Variants in PYROXD1 observed in about 807,000 individuals in gnomAD.
The protein encoded by PYROXD1 is pyridine nucleotide-disulphide oxidoreductase domain 1, also known as tRNA ligase complex-associated NAD(P)H dehydrogenase PYROXD1.
A neutral mutation model predicts 62.0 loss-of-function variants in PYROXD1; 42 were observed. The observed-to-expected ratio is 0.68, with a 90% CI of 0.53 to 0.88. PYROXD1 has a LOEUF of 0.88. PYROXD1 is among the 40% of genes least tolerant of loss of function. The pLI, the probability that PYROXD1 is intolerant of heterozygous loss-of-function variation, is 0.00. For synonymous variants in PYROXD1, 170 were observed against 206.4 expected (o/e 0.82, Z 1.51); for missense variants, 493 against 604.8 (o/e 0.82, Z 1.94).
chr12:21,454,598 A>G (rs1942561498), intron 5 of PYROXD1, among the ~76,000 whole-genome samples: 5 of 151,960 alleles, frequency 3.3e-5, no homozygotes, highest in Admixed American at 2.6e-4. Flanking sequence ...TCCTTCCTCT[A>G]AGATCCTTGA....
intron 6 of PYROXD1, 139 bp from the exon 7 acceptor site, chr12:21,455,856 T>C: frequency 1.7e-6 from 1 of 592,810 alleles, no homozygotes; most frequent in Non-Finnish European, 3.0e-6. Context: ...CTAAAATGAT[T>C]AATATAGATA....
chr12:21,449,793 G>A (rs980665252), intron 4 of PYROXD1, 102 bp downstream of exon 4: 2 of 1,019,536 alleles, frequency 2.0e-6, no homozygotes, highest in African/African-American at 3.3e-5. Flanking sequence ...GGGCAGAAGG[G>A]AAATTTTTGT....
chr12:21,470,521 T>C lies in PYROXD1; in HGVS notation c.*1767T>C. Reference sequence around the variant, plus strand: ...ATTCAAATATGAGCTCTATTTTGAATAAAAGGGGCTACGTTGTGAGAGAAG... The same window carrying C: ...ATTCAAATATGAGCTCTATTTTGAACAAAAGGGGCTACGTTGTGAGAGAAG... On this transcript the variant is annotated 3_prime_UTR_variant, in exon 12 of 12. Transcript: ENST00000240651. 1 of 998,802 alleles carries C rather than the reference T, an allele frequency of 1.0e-6. No homozygotes were observed. Among genetic ancestry groups the C allele is most frequent in the Middle Eastern group, 3.4e-4 (1 of 2,970 alleles). The allele number at this position is 998,802 out of a possible 1,614,324, so 61.9% of individuals were successfully genotyped here. A position where few individuals can be genotyped will look rare whatever the true frequency, so the allele number is the denominator to read the frequency against.
intron 1 of PYROXD1, among the ~76,000 whole-genome samples, chr12:21,438,809 T>G (rs1032595751): frequency 2.0e-5 from 3 of 152,188 alleles, no homozygotes; most frequent in Non-Finnish European, 4.4e-5. Flanking sequence ...TATTTTCCGT[T>G]TATTCACTAA....
In PYROXD1 at chr12:21,461,328, T is replaced by G. The variant is rs184874763; in HGVS notation, c.880+174T>G. Among the ~76,000 whole-genome samples, 389 of 152,322 alleles carry G rather than the reference T, an allele frequency of 2.6e-3. 1 individual carries two copies. Among genetic ancestry groups the G allele is most frequent in the African/African-American group, 8.6e-3 (356 of 41,580 alleles). On this transcript the variant is annotated intron_variant, in intron 8 of 11. Coordinates refer to ENST00000240651, the MANE Select transcript of PYROXD1 (RefSeq NM_024854.5). ...TAACTCACTTCATTTCACTGTCTGT[T>G]GTTTTCTAGTAAATTAAATCGTATA...
Position 21,470,503 on chromosome 12 carries a change from T to C in PYROXD1, c.*1749T>C. On this transcript the variant is annotated 3_prime_UTR_variant, in exon 12 of 12. Transcript: ENST00000240651. ...TTTTATCTACAAATTTCTATTCAAA[T>C]ATGAGCTCTATTTTGAATAAAAGGG... is the stretch of plus-strand genomic sequence containing the variant. 5.9e-6 allele frequency: 6 copies of C among 1,019,604 alleles called. No homozygotes were observed. In the East Asian group the frequency reaches 1.2e-4, roughly 20 times the overall value. The allele number at this position is 1,019,604 out of a possible 1,614,324, so 63.2% of individuals were successfully genotyped here.
At chr12:21,446,017 T>C (rs74067167) in intron 3 of PYROXD1, among the ~76,000 whole-genome samples, 2 of 151,890 alleles carry the variant, frequency 1.3e-5, no homozygotes, top group South Asian at 2.1e-4. Context: ...AAAAGAAATA[T>C]GAAGAATAGA....
chr12:21,461,952 TG>T, intron 8 of PYROXD1, 55 bp from the exon 9 acceptor site: 1 of 1,019,344 alleles, frequency 9.8e-7, no homozygotes, highest in South Asian at 1.3e-5. Context: ...TACACTGCTG[TG>T]GTGATGGTTC....
chr12:21,453,387 G>T (rs774069747), intron 5 of PYROXD1, among the ~76,000 whole-genome samples: 1 of 151,964 alleles, frequency 6.6e-6, no homozygotes, highest in South Asian at 2.1e-4. Context: ...GGTCTGCTGC[G>T]TGATTAGGTC....
intron 10 of PYROXD1, among the ~76,000 whole-genome samples, chr12:21,464,318 A>G (rs1942751922): frequency 6.6e-6 from 1 of 152,174 alleles, no homozygotes; most frequent in African/African-American, 2.4e-5. Context: ...TCAAGATGCA[A>G]ATTTTCCGGC....
intron 7 of PYROXD1, among the ~76,000 whole-genome samples, chr12:21,456,503 T>C (rs774748928): frequency 2.0e-5 from 3 of 152,192 alleles, no homozygotes; most frequent in Middle Eastern, 3.2e-3. Context: ...TAGCATTGTG[T>C]CTAAAAATAC....
intron 7 of PYROXD1, chr12:21,456,907 A>T: frequency 2.2e-6 from 1 of 453,654 alleles, no homozygotes; most frequent in Non-Finnish European, 4.4e-6. Context: ...TCCATCTCAG[A>T]TAACTACGTT....
chr12:21,461,832 C>G (rs915071625), intron 8 of PYROXD1, among the ~76,000 whole-genome samples, 176 bp from the exon 9 acceptor site: 1 of 152,178 alleles, frequency 6.6e-6, no homozygotes, highest in African/African-American at 2.4e-5. Flanking sequence ...ATGCTAATTG[C>G]ATTAAAATTG....
intron 5 of PYROXD1, among the ~76,000 whole-genome samples, chr12:21,454,233 G>C (rs532820789): frequency 6.6e-6 from 1 of 151,912 alleles, no homozygotes; most frequent in African/African-American, 2.4e-5. Flanking sequence ...ACTTTGTACC[G>C]TAAAGAAATG....
chr12:21,460,866 T>C (rs759317594), intron 7 of PYROXD1, 159 bp from the exon 8 acceptor site: 20 of 428,508 alleles, frequency 4.7e-5, no homozygotes, highest in Non-Finnish European at 7.8e-5. Flanking sequence ...TTCATGTGCA[T>C]AGAGAGACTT....
At position 21,443,610 on chromosome 12, in the gene PYROXD1, C is replaced by T. The variant is rs1256218744; in HGVS notation, c.166-1737C>T. On this transcript the variant is annotated intron_variant, in intron 2 of 11. Transcript: ENST00000240651. ...GTTATGTGTATGAGCTACAGAACTACAATTATAAATGTTATAAAGCCTATG... is the reference window on the plus strand; with the variant it reads ...GTTATGTGTATGAGCTACAGAACTATAATTATAAATGTTATAAAGCCTATG... 3.9e-5 allele frequency among the ~76,000 whole-genome samples: 6 copies of T among 152,214 alleles called. No homozygotes were observed. The East Asian group carries it at 1.2e-3, about 29-fold the overall frequency.
At chr12:21,446,415 A>T (rs185349806) in intron 3 of PYROXD1, among the ~76,000 whole-genome samples, 33 of 151,802 alleles carry the variant, frequency 2.2e-4, no homozygotes, top group African/African-American at 7.3e-4. Flanking sequence ...ACAGAGCGAG[A>T]CTCCTTCTCA....
chr12:21,470,301 T>C lies in PYROXD1; in HGVS notation c.*1547T>C. ...AAGTTGCCTGAATTTTTTTCCTCCATCTTTTTATCACCTTGTTCAGAATGA... is the reference window on the plus strand; with the variant it reads ...AAGTTGCCTGAATTTTTTTCCTCCACCTTTTTATCACCTTGTTCAGAATGA... On this transcript the variant is annotated 3_prime_UTR_variant, in exon 12 of 12. Coordinates refer to ENST00000240651, the MANE Select transcript of PYROXD1 (RefSeq NM_024854.5). 6.2e-7 allele frequency: 1 copy of C among 1,604,408 alleles called. No individual in the cohort carries two copies. The highest frequency in any genetic ancestry group is 8.5e-7 in the Non-Finnish European group (1 of 1,175,492).
In PYROXD1 at chr12:21,470,364, A is replaced by C. The variant is rs577735412; in HGVS notation, c.*1610A>C. The C allele has an allele frequency of 6.7e-7, 1 of 1,501,896 alleles. No homozygotes were observed. The highest frequency in any genetic ancestry group is 8.9e-7 in the Non-Finnish European group (1 of 1,125,332). 93.0% of individuals were successfully genotyped at this position (1,501,896 alleles called of 1,614,324 possible). On this transcript the variant is annotated 3_prime_UTR_variant, in exon 12 of 12. Coordinates refer to ENST00000240651, the MANE Select transcript of PYROXD1 (RefSeq NM_024854.5). ...GATTCAGCCTACAAAAAAAAAAAAA[A>C]AACAAAGCAAGCACCTTGGTAAAAA... is the stretch of plus-strand genomic sequence containing the variant.
Sources: allele counts gnomAD v4.1 joint callset (sites outside exome capture counted in the v4.1 genomes callset), GRCh38; gene constraint gnomAD v4.1.1; transcripts MANE v1.5; gene names NCBI Gene and HGNC (gene_info 2026-07-23, HGNC 2026-07-21).